The following MTA1 variants were observed in gnomAD, a reference collection of about 807,000 sequenced individuals.
MTA1 encodes metastasis associated 1.
Under a neutral mutation model 97.0 loss-of-function variants are expected in MTA1, and 15 were observed. The observed-to-expected ratio is 0.15, with a 90% CI of 0.10 to 0.24. The LOEUF is 0.24. MTA1 is among the 10% of genes least tolerant of loss of function. The probability of loss-of-function intolerance (pLI) is 1.00; values close to 1 mark genes in which losing one functional copy is unlikely to be tolerated. For missense variants in MTA1, 709 were observed against 1,015.1 expected (o/e 0.70, Z 4.10); for synonymous variants, 435 against 417.5 (o/e 1.04, Z -0.51).
In MTA1 at chr14:105,466,427, GAC is replaced by G; in HGVS notation, c.1627_1628del (p.Thr543ProfsTer8). The G allele has an allele frequency of 6.3e-7, 1 of 1,592,090 alleles. No homozygotes were observed. Among genetic ancestry groups the G allele is most frequent in the Non-Finnish European group, 8.6e-7 (1 of 1,165,306 alleles). On this transcript the variant is annotated frameshift_variant and splice_region_variant, in exon 17 of 21. Coordinates refer to ENST00000331320, the MANE Select transcript of MTA1 (RefSeq NM_004689.4). LOFTEE classifies it high-confidence loss of function. ...TTCTGCCTGTGTCATTCCCGGCAGA[GAC>G]CCACCCCCGCCCCCCCAAGCCTGAC... is the stretch of plus-strand genomic sequence containing the variant. ...PLEAVLRYLE[T>X]HPRPPKPDPV...
At chr14:105,458,846 G>T (rs1323597120) in intron 8 of MTA1, among the ~76,000 whole-genome samples, 2 of 152,230 alleles carry the variant, frequency 1.3e-5, no homozygotes, top group Admixed American at 1.3e-4. Flanking sequence ...AATCTATCGG[G>T]ATGCCCTCAG....
chr14:105,449,495 G>C, intron 4 of MTA1, 86 bp downstream of exon 4: 1 of 1,469,814 alleles, frequency 6.8e-7, no homozygotes, highest in Non-Finnish European at 9.2e-7. Context: ...ACAGAGTTTG[G>C]GCGGGCCGCC....
At position 105,445,482 on chromosome 14, in the gene MTA1, C is replaced by T. The variant is rs2082685586; in HGVS notation, c.161C>T (p.Thr54Ile). ...CFYRRRDISS[T>I]LIALADKHAT... Reference sequence around the variant, plus strand: ...TACCGGAGGCGGGACATCTCCAGCACCCTCATCGCCCTGGCCGACAAGCAC... The same window carrying T: ...TACCGGAGGCGGGACATCTCCAGCATCCTCATCGCCCTGGCCGACAAGCAC... The change falls in exon 3 of 21, where the codon ACC (threonine) becomes ATC (isoleucine). Residue 54 changes from threonine (T) to isoleucine (I), a missense_variant. Thr to Ile is a moderately conservative substitution (Grantham distance 89). This residue lies in a region of MTA1 where 321 missense variants were observed against 593.5 expected (regional missense o/e 0.54). Transcript: ENST00000331320. The T allele has an allele frequency of 6.2e-7, 1 of 1,613,532 alleles. No homozygotes were observed. Among genetic ancestry groups the T allele is most frequent in the Non-Finnish European group, 8.5e-7 (1 of 1,179,940 alleles).
intron 18 of MTA1, chr14:105,468,261 G>T: frequency 1.6e-6 from 2 of 1,280,838 alleles, no homozygotes; most frequent in East Asian, 5.6e-5. Flanking sequence ...CCCACCTGCG[G>T]GGCCTGCAGA....
In MTA1 at chr14:105,470,642, C is replaced by G. The variant is rs2083802357; in HGVS notation, c.*427C>G. On this transcript the variant is annotated 3_prime_UTR_variant, in exon 21 of 21. Transcript: ENST00000331320. ...GTGCGGCCGCGGCCGGCCGAGCTGC[C>G]TGGCGGGGTTGGCCCTTGTCTTTTC... 6.1e-6 allele frequency: 1 copy of G among 164,234 alleles called. No individual in the cohort carries two copies. The highest frequency in any genetic ancestry group is 1.8e-4 in the East Asian group (1 of 5,696). The allele number at this position is 164,234 out of a possible 1,614,324, so 10.2% of individuals were successfully genotyped here.
In MTA1 at chr14:105,470,493, G is replaced by A. The variant is rs1185261115; in HGVS notation, c.*278G>A. 1 of 389,872 alleles carries A rather than the reference G, an allele frequency of 2.6e-6. No individual in the cohort carries two copies. Among genetic ancestry groups the A allele is most frequent in the Non-Finnish European group, 4.5e-6 (1 of 220,586 alleles). The allele number at this position is 389,872 out of a possible 1,614,324, so 24.2% of individuals were successfully genotyped here. A position where few individuals can be genotyped will look rare whatever the true frequency, so the allele number is the denominator to read the frequency against. On this transcript the variant is annotated 3_prime_UTR_variant, in exon 21 of 21. Coordinates refer to ENST00000331320, the MANE Select transcript of MTA1 (RefSeq NM_004689.4). The stretch of plus-strand genomic sequence containing the variant: ...GTGCCCCTGTGCTGCGGGGCCTTTT[G>A]CCCGGAGGCCGGGCCCTAAGGTTTT...
chr14:105,463,240 C>T lies in MTA1; in HGVS notation c.999C>T (p.Thr333=), dbSNP rs375393910. 19 of 1,610,836 alleles carry T rather than the reference C, an allele frequency of 1.2e-5. No individual in the cohort carries two copies. Among genetic ancestry groups the T allele is most frequent in the Middle Eastern group, 1.7e-4 (1 of 6,060 alleles). ...IIEYYYMWKT[T]DRYVQQKRLK... The stretch of plus-strand genomic sequence containing the variant: ...AGTACTACTACATGTGGAAGACCAC[C>T]GACAGATACGTGCAGCAGGTGAGCC... The change falls in exon 11 of 21, where the codon ACC becomes ACT. Residue 333 remains threonine, a synonymous_variant. Coordinates refer to ENST00000331320, the MANE Select transcript of MTA1 (RefSeq NM_004689.4). The surrounding 1 kb of genome is among the most constrained non-coding windows in gnomAD (Gnocchi z 5.9).
chr14:105,440,707 C>T (rs984462508), intron 2 of MTA1, among the ~76,000 whole-genome samples: 4 of 152,272 alleles, frequency 2.6e-5, no homozygotes, highest in Non-Finnish European at 5.9e-5. Context: ...GGGACACCAG[C>T]CTGTGAGGGG....
At chr14:105,438,260 T>A (rs1474123034) in intron 1 of MTA1, among the ~76,000 whole-genome samples, 1 of 152,130 alleles carries the variant, frequency 6.6e-6, no homozygotes, top group Admixed American at 6.5e-5. Context: ...GGCTGGCTGC[T>A]GCCAGTGGGA....
chr14:105,449,057 G>A (rs1357685917), intron 3 of MTA1: 1 of 395,496 alleles, frequency 2.5e-6, no homozygotes, highest in Non-Finnish European at 4.5e-6. Context: ...TGGACAGCCT[G>A]TTCTGGGAAG....
chr14:105,441,267 C>T (rs1288582332), intron 2 of MTA1, among the ~76,000 whole-genome samples: 10 of 151,648 alleles, frequency 6.6e-5, no homozygotes, highest in East Asian at 5.8e-4. Flanking sequence ...TGGGCCCCCC[C>T]GCCCCTCTTG....
At chr14:105,467,074 C>A in intron 18 of MTA1, 1 of 478,380 alleles carries the variant, frequency 2.1e-6, no homozygotes. Context: ...TGGGGCCGCC[C>A]GTGCTGTGCC....
At position 105,424,481 on chromosome 14, in the gene MTA1, G is replaced by A. The variant is rs1046508262; in HGVS notation, c.28+4418G>A. On this transcript the variant is annotated intron_variant, in intron 1 of 20. Transcript: ENST00000331320. This position sits in a 1 kb window ranked among gnomAD's most constrained non-coding sequence, Gnocchi z 4.0. Reference sequence around the variant, plus strand: ...CTCTCAAAGTATTGGGATTACAGGCGTGAGCCACTGCGTCTGGCTTTTTTT... The same window carrying A: ...CTCTCAAAGTATTGGGATTACAGGCATGAGCCACTGCGTCTGGCTTTTTTT... 2.6e-5 allele frequency among the ~76,000 whole-genome samples: 4 copies of A among 151,254 alleles called. No homozygotes were observed. Among genetic ancestry groups the A allele is most frequent in the African/African-American group, 9.8e-5 (4 of 40,998 alleles).
Position 105,463,615 on chromosome 14 carries a change from T to G in MTA1, c.1076+64T>G. On this transcript the variant is annotated intron_variant, in intron 12 of 20. Coordinates refer to ENST00000331320, the MANE Select transcript of MTA1 (RefSeq NM_004689.4). The surrounding 1 kb of genome is among the most constrained non-coding windows in gnomAD (Gnocchi z 5.9). ...GGGGCCAGGGAGGGTGGGCACAGGG[T>G]GCTGGGGCCAGGCGGGTCCCAAGGA... 2.6e-6 allele frequency: 4 copies of G among 1,518,136 alleles called. No homozygotes were observed. The highest frequency in any genetic ancestry group is 2.7e-6 in the Non-Finnish European group (3 of 1,095,460). The allele number at this position is 1,518,136 out of a possible 1,614,324, so 94.0% of individuals were successfully genotyped here. A position where few individuals can be genotyped will look rare whatever the true frequency, so the allele number is the denominator to read the frequency against.
At chr14:105,454,600 A>T (rs2083070923) in intron 7 of MTA1, 1 of 282,372 alleles carries the variant, frequency 3.5e-6, no homozygotes, top group Non-Finnish European at 6.9e-6. Flanking sequence ...TCCTTCTGGC[A>T]GTTGTTTTTC....
At chr14:105,468,258 G>A (rs1746776837) in intron 18 of MTA1, 1 of 1,276,614 alleles carries the variant, frequency 7.8e-7, no homozygotes, top group Non-Finnish European at 1.0e-6. Context: ...GTCCCCACCT[G>A]CGGGGCCTGC....
At chr14:105,456,900 T>C (rs924298893) in intron 7 of MTA1, among the ~76,000 whole-genome samples, 2 of 152,200 alleles carry the variant, frequency 1.3e-5, no homozygotes, top group Non-Finnish European at 2.9e-5. Flanking sequence ...AGGCATTGTT[T>C]CCTAGAGGCC....
intron 8 of MTA1, 48 bp from the exon 9 acceptor site, chr14:105,460,310 G>C (rs2083303302): frequency 6.5e-7 from 1 of 1,530,382 alleles, no homozygotes; most frequent in Non-Finnish European, 8.8e-7. Flanking sequence ...TGCCTGTGGG[G>C]AGTCCCTGCT....
At chr14:105,460,246 TG>T (rs1486250616) in intron 8 of MTA1, 111 bp from the exon 9 acceptor site, 12 of 537,988 alleles carry the variant, frequency 2.2e-5, no homozygotes, top group Middle Eastern at 6.0e-4. Flanking sequence ...TGGTGTGCCT[TG>T]GGGGAGTCCG....
Sources: gnomAD v4.1 joint callset for allele counts (sites outside exome capture counted in the v4.1 genomes callset) on GRCh38, gnomAD v4.1.1 for gene constraint, gnomAD v4.1.1 regional missense constraint, Gnocchi (gnomAD v3.1) non-coding constraint, MANE v1.5 for transcripts, NCBI Gene and HGNC (gene_info 2026-07-23, HGNC 2026-07-21) for gene names.